The following DPP6 variants were observed in gnomAD, a reference collection of about 807,000 sequenced individuals.
The protein encoded by DPP6 is A-type potassium channel modulatory protein DPP6.
In DPP6, 69 loss-of-function variants were observed where a neutral mutation model predicts 122.6. The ratio of observed to expected loss-of-function variants is 0.56; its 90% CI spans 0.46 to 0.69. DPP6 has a LOEUF of 0.69. DPP6 is among the 30% of genes least tolerant of loss of function. The pLI is 0.00. For missense variants in DPP6, 928 were observed against 1,116.9 expected, an observed-to-expected ratio of 0.83 and a Z score of 2.41; for synonymous variants, 418 against 433.1, an observed-to-expected ratio of 0.97 and a Z score of 0.43.
intron 1 of DPP6, among the ~76,000 whole-genome samples, chr7:154,047,387 A>G (rs540352601): frequency 6.7e-6 from 1 of 150,014 alleles, no homozygotes; most frequent in East Asian, 1.9e-4. Flanking sequence ...TGTGGTTTGA[A>G]AAGGGCAAGG....
intron 1 of DPP6, among the ~76,000 whole-genome samples, chr7:154,262,386 G>A (rs976452487): frequency 1.3e-5 from 2 of 152,112 alleles, no homozygotes; most frequent in Non-Finnish European, 2.9e-5. Context: ...GTGTCCTTAT[G>A]AGAAGAGAAC....
At chr7:154,646,332 T>C (rs1435837788) in intron 6 of DPP6, among the ~76,000 whole-genome samples, 1 of 152,140 alleles carries the variant, frequency 6.6e-6, no homozygotes, top group Non-Finnish European at 1.5e-5. Context: ...CATCACGCAA[T>C]GTGTCCAGTC....
chr7:154,879,296 A>G (rs1805147203), intron 20 of DPP6, among the ~76,000 whole-genome samples: 1 of 134,896 alleles, frequency 7.4e-6, no homozygotes, highest in Admixed American at 7.7e-5. Context: ...AAACACAAAA[A>G]TCGGCCGGGC....
intron 5 of DPP6, among the ~76,000 whole-genome samples, chr7:154,635,376 G>C (rs1835672524): frequency 6.6e-6 from 1 of 151,802 alleles, no homozygotes; most frequent in South Asian, 2.1e-4. Flanking sequence ...GTCTGTGAGT[G>C]GTCCTCTCCC....
At chr7:154,141,505 A>G (rs972023335) in intron 1 of DPP6, among the ~76,000 whole-genome samples, 4 of 152,204 alleles carry the variant, frequency 2.6e-5, no homozygotes, top group African/African-American at 9.7e-5. Flanking sequence ...AGTACATACC[A>G]TTTGAATGAA....
chr7:153,948,111 T>G (rs73729234), intron 1 of DPP6, among the ~76,000 whole-genome samples: 2 of 152,186 alleles, frequency 1.3e-5, no homozygotes, highest in Non-Finnish European at 2.9e-5. Flanking sequence ...TCTGAGGTAT[T>G]GGGCATTGGG....
chr7:154,514,960 A>G (rs1826371677), intron 3 of DPP6, among the ~76,000 whole-genome samples: 1 of 152,240 alleles, frequency 6.6e-6, no homozygotes. Flanking sequence ...AGGAACTGTC[A>G]TAACATTTAT....
intron 6 of DPP6, among the ~76,000 whole-genome samples, chr7:154,658,444 G>C (rs1280092965): frequency 6.6e-6 from 1 of 152,206 alleles, no homozygotes. Context: ...CAAAAAAGGA[G>C]GTACAGGAGG....
At chr7:154,299,324 C>T (rs1006340123) in intron 1 of DPP6, among the ~76,000 whole-genome samples, 12 of 152,178 alleles carry the variant, frequency 7.9e-5, no homozygotes, top group Non-Finnish European at 1.3e-4. Context: ...CAAAACCAAA[C>T]CCAAACAAGC....
At chr7:153,798,033 G>A in the DPP6 span, among the ~76,000 whole-genome samples, 2 of 151,982 alleles carry the variant, frequency 1.3e-5, no homozygotes, top group African/African-American at 4.8e-5. Flanking sequence ...TGGTAGAGAC[G>A]GGGTTTCACC....
At chr7:154,583,393 C>T (rs1832214129) in intron 5 of DPP6, among the ~76,000 whole-genome samples, 1 of 152,216 alleles carries the variant, frequency 6.6e-6, no homozygotes, top group South Asian at 2.1e-4. Flanking sequence ...CTTCCTCAGT[C>T]CTTGGTTCCA....
chr7:154,586,870 C>T (rs1167480473), intron 5 of DPP6, among the ~76,000 whole-genome samples: 6 of 152,250 alleles, frequency 3.9e-5, no homozygotes, highest in Non-Finnish European at 8.8e-5. Context: ...GCTTACAGGG[C>T]TGTGTCCCTC....
chr7:154,764,704 C>T (rs1411578101), intron 8 of DPP6, among the ~76,000 whole-genome samples: 1 of 152,160 alleles, frequency 6.6e-6, no homozygotes, highest in African/African-American at 2.4e-5. Flanking sequence ...CTGGTTTCTA[C>T]CTTGCCCACT....
At chr7:154,386,444 A>G (rs961504387) in intron 1 of DPP6, among the ~76,000 whole-genome samples, 6 of 151,996 alleles carry the variant, frequency 3.9e-5, no homozygotes, top group Admixed American at 1.3e-4. Flanking sequence ...GGTGTGCAAG[A>G]GGGGGCATTC....
intron 1 of DPP6, among the ~76,000 whole-genome samples, chr7:154,042,095 C>T (rs1799795410): frequency 6.6e-6 from 1 of 152,122 alleles, no homozygotes. Context: ...CAGCTTTGAG[C>T]ATCAAATCCT....
intron 3 of DPP6, among the ~76,000 whole-genome samples, chr7:154,500,431 C>G (rs1406994638): frequency 6.6e-6 from 1 of 152,094 alleles, no homozygotes; most frequent in African/African-American, 2.4e-5. Flanking sequence ...GTGTCACTAC[C>G]CAAATCTCAT....
chr7:154,654,185 G>C (rs1423274299), intron 6 of DPP6, among the ~76,000 whole-genome samples: 2 of 152,000 alleles, frequency 1.3e-5, no homozygotes, highest in South Asian at 4.2e-4. Context: ...TCAAGGACTT[G>C]AGCATCTGTG....
At chr7:154,781,765 CAG>C (rs1797045974) in intron 10 of DPP6, among the ~76,000 whole-genome samples, 1 of 152,084 alleles carries the variant, frequency 6.6e-6, no homozygotes. Flanking sequence ...AAAAAAATAC[CAG>C]AGTTAACTGT....
intron 1 of DPP6, among the ~76,000 whole-genome samples, chr7:153,974,595 C>T (rs1188480446): frequency 6.6e-6 from 1 of 152,148 alleles, no homozygotes; most frequent in African/African-American, 2.4e-5. Context: ...GCGAGAAAAT[C>T]TTCCACAATT....
Sources: gnomAD v4.1 joint callset for allele counts (sites outside exome capture counted in the v4.1 genomes callset) on GRCh38, gnomAD v4.1.1 for gene constraint, MANE v1.5 for transcripts, NCBI Gene and HGNC (gene_info 2026-07-23, HGNC 2026-07-21) for gene names.